The following GOLM2 variants were observed in gnomAD, a reference collection of about 807,000 sequenced individuals.
GOLM2 encodes golgi membrane protein 2, also known as protein GOLM2.
Under a neutral mutation model 55.9 loss-of-function variants are expected in GOLM2, and 26 were observed. That is an observed-to-expected ratio of 0.47 (90% CI 0.34 to 0.65). The LOEUF (loss-of-function observed/expected upper bound fraction) is 0.65. GOLM2 is among the 30% of genes least tolerant of loss of function. GOLM2 has a pLI of 0.01. For missense variants in GOLM2, 486 were observed against 531.8 expected, an observed-to-expected ratio of 0.91 and a Z score of 0.85; for synonymous variants, 165 against 194.6, an observed-to-expected ratio of 0.85 and a Z score of 1.27.
chr15:44,338,099 C>G, intron 5 of GOLM2, 138 bp from the exon 6 acceptor site: 2 of 971,248 alleles, frequency 2.1e-6, no homozygotes, highest in African/African-American at 1.7e-5. Context: ...AGAGTTACAG[C>G]TATGTCCAAA....
chr15:44,345,276 A>ATT (rs559512939), intron 6 of GOLM2, among the ~76,000 whole-genome samples: 2 of 137,530 alleles, frequency 1.5e-5, no homozygotes, highest in Admixed American at 7.3e-5. Flanking sequence ...CATCCAGCTA[A>ATT]TTTTTTTTTT....
At chr15:44,347,010 G>A (rs2079129811) in intron 6 of GOLM2, among the ~76,000 whole-genome samples, 1 of 151,990 alleles carries the variant, frequency 6.6e-6, no homozygotes, top group Non-Finnish European at 1.5e-5. Flanking sequence ...TGTAGTCCTA[G>A]CTACTTGGGA....
rs1325595946 is a variant in GOLM2, at chr15:44,354,169, C to CCAA, written c.802+15858_802+15860dup. ...AATTGACATCTATTAACCACTTCATCCAACAACAGCAGGGACTCATTCTTC... is the reference window on the plus strand; with the variant it reads ...AATTGACATCTATTAACCACTTCATCCAACAACAACAGCAGGGACTCATTCTTC... On this transcript the variant is annotated intron_variant, in intron 6 of 9. Coordinates refer to ENST00000299957, the MANE Select transcript of GOLM2 (RefSeq NM_138423.4). 8.6e-5 allele frequency among the ~76,000 whole-genome samples: 13 copies of CCAA among 151,900 alleles called. No individual in the cohort carries two copies. In the East Asian group the frequency reaches 2.5e-3, roughly 29 times the overall value.
intron 1 of GOLM2, among the ~76,000 whole-genome samples, chr15:44,302,436 C>A (rs543437357): frequency 2.4e-4 from 37 of 151,176 alleles, no homozygotes; most frequent in African/African-American, 8.7e-4. Flanking sequence ...TGAGCCACCA[C>A]GCCTAGTGGT....
At chr15:44,374,112 A>T (rs984995532) in intron 6 of GOLM2, among the ~76,000 whole-genome samples, 9 of 152,086 alleles carry the variant, frequency 5.9e-5, no homozygotes, top group African/African-American at 2.2e-4. Flanking sequence ...AAAATAAATA[A>T]ATAAATATAT....
chr15:44,376,043 T>C (rs1449487449), intron 6 of GOLM2, among the ~76,000 whole-genome samples: 1 of 151,974 alleles, frequency 6.6e-6, no homozygotes, highest in African/African-American at 2.4e-5. Flanking sequence ...TCGAGACCAG[T>C]CTGACCCACA....
At chr15:44,330,911 C>T (rs2079018902) in intron 3 of GOLM2, among the ~76,000 whole-genome samples, 2 of 152,068 alleles carry the variant, frequency 1.3e-5, no homozygotes, top group African/African-American at 4.8e-5. Flanking sequence ...CATAGCCCTA[C>T]CAAATTTGGT....
chr15:44,392,244 A>G (rs1173251374), intron 8 of GOLM2, among the ~76,000 whole-genome samples: 1 of 152,230 alleles, frequency 6.6e-6, no homozygotes, highest in African/African-American at 2.4e-5. Flanking sequence ...CCATTTTATG[A>G]GACCAGCATA....
At chr15:44,376,063 C>T (rs541627747) in intron 6 of GOLM2, among the ~76,000 whole-genome samples, 4 of 152,198 alleles carry the variant, frequency 2.6e-5, no homozygotes, top group South Asian at 2.1e-4. Flanking sequence ...ATGGAGAAAC[C>T]CCATCTCTAC....
rs146648193 is a variant in GOLM2 at position 44,297,016 on chromosome 15, C to T, written c.327+7660C>T. Among the ~76,000 whole-genome samples the T allele has an allele frequency of 7.9e-5, 12 of 152,316 alleles. No individual in the cohort carries two copies. In the East Asian group the frequency reaches 2.1e-3, roughly 27 times the overall value. Reference sequence around the variant, plus strand: ...AATCAAAACTGATAACTCTTCCAAACGATATCCCTTTCCTACCTTCTTGGT... The same window carrying T: ...AATCAAAACTGATAACTCTTCCAAATGATATCCCTTTCCTACCTTCTTGGT... On this transcript the variant is annotated intron_variant, in intron 1 of 9. Transcript: ENST00000299957.
chr15:44,351,133 A>C (rs1461198432), intron 6 of GOLM2, among the ~76,000 whole-genome samples: 2 of 152,224 alleles, frequency 1.3e-5, no homozygotes, highest in African/African-American at 4.8e-5. Flanking sequence ...CTAGACTTCC[A>C]GTACTAGTAC....
At chr15:44,321,863 G>T (rs1005514737) in intron 1 of GOLM2, among the ~76,000 whole-genome samples, 1 of 151,568 alleles carries the variant, frequency 6.6e-6, no homozygotes, top group Non-Finnish European at 1.5e-5. Flanking sequence ...ACCAGCCTGG[G>T]CAACATAGCA....
chr15:44,312,209 C>G (rs1035003245), intron 1 of GOLM2, among the ~76,000 whole-genome samples: 1 of 152,098 alleles, frequency 6.6e-6, no homozygotes, highest in Non-Finnish European at 1.5e-5. Flanking sequence ...CAATTTCAAG[C>G]ACAGCTGCAG....
intron 3 of GOLM2, among the ~76,000 whole-genome samples, chr15:44,329,090 G>A (rs1489842834): frequency 6.6e-6 from 1 of 152,164 alleles, no homozygotes; most frequent in Non-Finnish European, 1.5e-5. Flanking sequence ...GGCAAAGATG[G>A]AAAGAAGATT....
chr15:44,332,644 G>A (rs187439200), intron 4 of GOLM2, among the ~76,000 whole-genome samples: 1 of 151,890 alleles, frequency 6.6e-6, no homozygotes, highest in East Asian at 1.9e-4. Context: ...ATATTTCTCA[G>A]ATTGTAAAGT....
intron 6 of GOLM2, among the ~76,000 whole-genome samples, chr15:44,365,938 A>G (rs1429283484): frequency 1.3e-5 from 2 of 152,160 alleles, no homozygotes. Flanking sequence ...ATGGCCATGT[A>G]TGGGAGCAGG....
intron 1 of GOLM2, among the ~76,000 whole-genome samples, chr15:44,292,386 T>TG (rs2078727414): frequency 6.6e-6 from 1 of 151,768 alleles, no homozygotes; most frequent in Non-Finnish European, 1.5e-5. Context: ...TTAGTAGAGA[T>TG]GGGGTTTCAC....
At chr15:44,381,016 T>C (rs765682749) in intron 8 of GOLM2, 40 bp downstream of exon 8, 3 of 1,306,360 alleles carry the variant, frequency 2.3e-6, no homozygotes, top group Non-Finnish European at 3.1e-6. Context: ...AAAATATTTC[T>C]TTAAATGTAA....
chr15:44,400,575 T>TA (rs2079558303), intron 8 of GOLM2, among the ~76,000 whole-genome samples: 1 of 85,560 alleles, frequency 1.2e-5, no homozygotes, highest in East Asian at 3.1e-4. Flanking sequence ...CCTTGCCGCC[T>TA]TTTTTTTTTT....
Sources: gnomAD v4.1 joint callset for allele counts (sites outside exome capture counted in the v4.1 genomes callset) on GRCh38, gnomAD v4.1.1 for gene constraint, MANE v1.5 for transcripts, NCBI Gene and HGNC (gene_info 2026-07-23, HGNC 2026-07-21) for gene names.